CACHD1: variants seen among roughly 807,000 people sequenced by gnomAD.
CACHD1 encodes VWFA and cache domain-containing protein 1.
In CACHD1, 71 loss-of-function variants were observed where a neutral mutation model predicts 138.7. The observed-to-expected ratio is 0.51, with a 90% CI of 0.42 to 0.62. The LOEUF is 0.62. Ranked by LOEUF, CACHD1 falls within the 20% of genes least tolerant of loss-of-function variation. The pLI, the probability that CACHD1 is intolerant of heterozygous loss-of-function variation, is 0.00. For missense variants in CACHD1, 1,389 were observed against 1,625.3 expected (o/e 0.85, Z 2.50); for synonymous variants, 578 against 591.5 (o/e 0.98, Z 0.33).
At chr1:64,497,904 A>T (rs539713766) in intron 1 of CACHD1, among the ~76,000 whole-genome samples, 36 of 152,206 alleles carry the variant, frequency 2.4e-4, no homozygotes, top group Non-Finnish European at 4.7e-4. Flanking sequence ...GGTGGGCAGA[A>T]CACCTGAGGT....
At chr1:64,673,825 C>T (rs1182991179) in intron 19 of CACHD1, among the ~76,000 whole-genome samples, 2 of 152,156 alleles carry the variant, frequency 1.3e-5, no homozygotes, top group African/African-American at 2.4e-5. Flanking sequence ...AGAGATCACT[C>T]GGGCTCCTTA....
intron 2 of CACHD1, among the ~76,000 whole-genome samples, chr1:64,577,431 A>G (rs1646976802): frequency 6.6e-6 from 1 of 152,194 alleles, no homozygotes. Flanking sequence ...CATTTGTTAA[A>G]ATTGATTTGA....
At chr1:64,642,743 T>C (rs1412551311) in intron 8 of CACHD1, among the ~76,000 whole-genome samples, 1 of 151,654 alleles carries the variant, frequency 6.6e-6, no homozygotes, top group Non-Finnish European at 1.5e-5. Context: ...TCTTCTCTTG[T>C]GTTTAAGAGG....
At chr1:64,506,211 T>C (rs1234309625) in intron 1 of CACHD1, 1 of 152,206 alleles carries the variant, frequency 6.6e-6, no homozygotes, top group Non-Finnish European at 1.5e-5. Flanking sequence ...CACACATTCA[T>C]TGAACTTTTA....
intron 12 of CACHD1, 42 bp from the exon 13 acceptor site, chr1:64,658,663 C>T (rs780619270): frequency 2.7e-6 from 4 of 1,506,628 alleles, no homozygotes; most frequent in East Asian, 2.3e-5. Flanking sequence ...CCCCATGGAA[C>T]CCTCATTTTC....
intron 2 of CACHD1, among the ~76,000 whole-genome samples, chr1:64,555,458 C>T (rs1646790384): frequency 6.6e-6 from 1 of 152,128 alleles, no homozygotes; most frequent in African/African-American, 2.4e-5. Flanking sequence ...CTTGCTCTGT[C>T]ACCCAGGCTG....
intron 7 of CACHD1, among the ~76,000 whole-genome samples, chr1:64,638,051 A>G (rs1034951647): frequency 6.6e-6 from 1 of 152,110 alleles, no homozygotes; most frequent in African/African-American, 2.4e-5. Flanking sequence ...ATTTCCTGTG[A>G]TTATTATGAT....
intron 4 of CACHD1, among the ~76,000 whole-genome samples, chr1:64,620,537 A>G (rs192028259): frequency 6.6e-6 from 1 of 152,190 alleles, no homozygotes; most frequent in Non-Finnish European, 1.5e-5. Flanking sequence ...AAATTAATGT[A>G]ACAATCCACA....
At chr1:64,578,516 G>A (rs1570385200) in intron 2 of CACHD1, among the ~76,000 whole-genome samples, 1 of 152,164 alleles carries the variant, frequency 6.6e-6, no homozygotes. Flanking sequence ...CCAAAACTTA[G>A]TGGCATAAAC....
intron 9 of CACHD1, 93 bp from the exon 10 acceptor site, chr1:64,652,068 T>TA (rs1649112787): frequency 8.8e-7 from 1 of 1,135,384 alleles, no homozygotes; most frequent in East Asian, 2.6e-5. Flanking sequence ...AGACAGCTGA[T>TA]AGAAGCCTTC....
Position 64,609,444 on chromosome 1 carries a change from A to G in CACHD1, c.517+6532A>G, listed in dbSNP as rs565841373. On this transcript the variant is annotated intron_variant, in intron 4 of 26. Coordinates refer to ENST00000651257, the MANE Select transcript of CACHD1 (RefSeq NM_020925.4). ...TTCTTGAGCTTGTATGATTCAGTTTATATTCGTATGTATGTGTGTATACTT... is the reference window on the plus strand; with the variant it reads ...TTCTTGAGCTTGTATGATTCAGTTTGTATTCGTATGTATGTGTGTATACTT... Among the ~76,000 whole-genome samples the G allele has an allele frequency of 2.0e-5, 3 of 152,330 alleles. No individual in the cohort carries two copies. The South Asian group carries it at 6.2e-4, about 32-fold the overall frequency.
intron 1 of CACHD1, among the ~76,000 whole-genome samples, chr1:64,493,092 A>C (rs923730013): frequency 2.6e-5 from 4 of 152,280 alleles, no homozygotes; most frequent in African/African-American, 9.6e-5. Context: ...TCTGTGTCAC[A>C]GAGCTGTTGT....
At position 64,691,804 on chromosome 1, in the gene CACHD1, C is replaced by T. The variant is rs1650568401; in HGVS notation, c.*243C>T. On this transcript the variant is annotated 3_prime_UTR_variant, in exon 27 of 27. Coordinates refer to ENST00000651257, the MANE Select transcript of CACHD1 (RefSeq NM_020925.4). Reference sequence around the variant, plus strand: ...GGGGAAATAAGCCTGATGAACAGACCTGCCATAACACTAATGGAAGGTAAC... The same window carrying T: ...GGGGAAATAAGCCTGATGAACAGACTTGCCATAACACTAATGGAAGGTAAC... 4 of 523,264 alleles carry T rather than the reference C, an allele frequency of 7.6e-6. No homozygotes were observed. The highest frequency in any genetic ancestry group is 5.2e-4 in the Middle Eastern group (1 of 1,924). The allele number at this position is 523,264 out of a possible 1,614,324, so 32.4% of individuals were successfully genotyped here.
intron 2 of CACHD1, among the ~76,000 whole-genome samples, chr1:64,567,129 C>T (rs1646888978): frequency 6.6e-6 from 1 of 152,070 alleles, no homozygotes; most frequent in South Asian, 2.1e-4. Flanking sequence ...CTAAGCATAC[C>T]TCTAGTAAGT....
At chr1:64,499,887 A>G (rs1053977556) in intron 1 of CACHD1, among the ~76,000 whole-genome samples, 6 of 152,234 alleles carry the variant, frequency 3.9e-5, no homozygotes, top group East Asian at 1.9e-4. Flanking sequence ...ATTTAAACAT[A>G]TGATTCTGGG....
intron 16 of CACHD1, among the ~76,000 whole-genome samples, chr1:64,670,229 G>A (rs1198538334): frequency 2.0e-5 from 3 of 152,104 alleles, no homozygotes; most frequent in Non-Finnish European, 2.9e-5. Flanking sequence ...TGAGCCCCCA[G>A]GAGCTTGAAT....
intron 1 of CACHD1, among the ~76,000 whole-genome samples, chr1:64,497,507 G>A (rs1646312583): frequency 6.6e-6 from 1 of 152,080 alleles, no homozygotes; most frequent in African/African-American, 2.4e-5. Context: ...TTCAAGGCCT[G>A]TTGAAATTAA....
At chr1:64,514,517 G>C (rs895045400) in intron 1 of CACHD1, among the ~76,000 whole-genome samples, 1 of 152,228 alleles carries the variant, frequency 6.6e-6, no homozygotes, top group Middle Eastern at 3.4e-3. Flanking sequence ...TTCACTTCTA[G>C]GTTTTGAAAA....
chr1:64,548,514 G>A (rs1259869526), intron 1 of CACHD1, among the ~76,000 whole-genome samples: 1 of 152,200 alleles, frequency 6.6e-6, no homozygotes, highest in Non-Finnish European at 1.5e-5. Flanking sequence ...GCATTATAAT[G>A]TAGTGAACTA....
Sources: gnomAD v4.1 joint callset for allele counts (sites outside exome capture counted in the v4.1 genomes callset) on GRCh38, gnomAD v4.1.1 for gene constraint, MANE v1.5 for transcripts, NCBI Gene and HGNC (gene_info 2026-07-23, HGNC 2026-07-21) for gene names.